The following STIM2 variants were observed in gnomAD, a reference collection of about 807,000 sequenced individuals.
STIM2 encodes stromal interaction molecule 2.
Under a neutral mutation model 85.8 loss-of-function variants are expected in STIM2, and 31 were observed. The ratio of observed to expected loss-of-function variants is 0.36; its 90% CI spans 0.27 to 0.49. The LOEUF is 0.49. STIM2 is among the 20% of genes least tolerant of loss of function. The pLI, the probability that STIM2 is intolerant of heterozygous loss-of-function variation, is 0.98. For synonymous variants in STIM2, 356 were observed against 331.1 expected, an observed-to-expected ratio of 1.08 and a Z score of -0.82; for missense variants, 841 against 927.6, an observed-to-expected ratio of 0.91 and a Z score of 1.21.
intron 2 of STIM2, among the ~76,000 whole-genome samples, chr4:26,946,164 T>C (rs566853546): frequency 5.3e-5 from 8 of 152,296 alleles, no homozygotes; most frequent in African/African-American, 1.9e-4. Flanking sequence ...TGTATAAAGA[T>C]AGTGTTGCAG....
chr4:26,955,256 T>G (rs561274321), intron 2 of STIM2, among the ~76,000 whole-genome samples: 1 of 148,186 alleles, frequency 6.7e-6, no homozygotes, highest in Non-Finnish European at 1.5e-5. Context: ...TCTAGTCATG[T>G]GGAAATTTGC....
intron 10 of STIM2, among the ~76,000 whole-genome samples, chr4:27,014,833 G>A (rs1044335097): frequency 3.3e-5 from 5 of 151,760 alleles, no homozygotes; most frequent in Admixed American, 1.3e-4. Flanking sequence ...TATATAATTT[G>A]TACTAAGTTA....
intron 1 of STIM2, chr4:26,874,467 G>T: frequency 5.9e-6 from 1 of 169,400 alleles, no homozygotes; most frequent in Admixed American, 5.9e-5. Context: ...TTGGTGACTG[G>T]TAACTTCTAG....
At chr4:26,866,650 T>C (rs1722419726) in intron 1 of STIM2, among the ~76,000 whole-genome samples, 1 of 152,168 alleles carries the variant, frequency 6.6e-6, no homozygotes, top group African/African-American at 2.4e-5. Flanking sequence ...GGCCAAATTA[T>C]CAAGAGCTTT....
In STIM2 at chr4:26,886,968, G is replaced by A. The variant is rs567217963; in HGVS notation, c.151+25599G>A. 1.4e-3 allele frequency among the ~76,000 whole-genome samples: 212 copies of A among 152,172 alleles called. 1 individual carries two copies. The highest frequency in any genetic ancestry group is 4.9e-3 in the African/African-American group (203 of 41,508). ...GGAGGTGGTAATAGGTGGTATAGGT[G>A]GAGCTATATGTGGATGCTAAATACA... On this transcript the variant is annotated intron_variant, in intron 1 of 11. Coordinates refer to ENST00000467087, the MANE Select transcript of STIM2 (RefSeq NM_020860.4).
At chr4:26,961,897 G>A (rs1312033695) in intron 3 of STIM2, among the ~76,000 whole-genome samples, 7 of 152,204 alleles carry the variant, frequency 4.6e-5, no homozygotes, top group South Asian at 2.1e-4. Flanking sequence ...GGCTACGGGC[G>A]TATACCACCA....
intron 3 of STIM2, among the ~76,000 whole-genome samples, chr4:26,980,755 CAAG>C (rs1727354203): frequency 1.3e-5 from 2 of 152,074 alleles, no homozygotes; most frequent in African/African-American, 4.8e-5. Context: ...CAAACAGAGT[CAAG>C]AAAGGAATCA....
chr4:27,022,494 G>A (rs1242142973), intron 11 of STIM2, 25 bp from the exon 12 acceptor site: 3 of 1,541,462 alleles, frequency 1.9e-6, no homozygotes, highest in African/African-American at 1.4e-5. Flanking sequence ...TTTAAAATTT[G>A]TACCTTTGTT....
intron 3 of STIM2, among the ~76,000 whole-genome samples, chr4:26,988,470 C>T (rs1261721384): frequency 6.6e-6 from 1 of 152,190 alleles, no homozygotes; most frequent in African/African-American, 2.4e-5. Flanking sequence ...GTACAGAAAG[C>T]TCCAAGTATG....
intron 2 of STIM2, among the ~76,000 whole-genome samples, chr4:26,921,214 G>T (rs1014358583): frequency 6.6e-6 from 1 of 152,176 alleles, no homozygotes; most frequent in Non-Finnish European, 1.5e-5. Flanking sequence ...AAGGATTGCT[G>T]CCAATACCAG....
intron 7 of STIM2, among the ~76,000 whole-genome samples, chr4:27,005,527 A>G (rs910019046): frequency 5.3e-5 from 8 of 152,226 alleles, no homozygotes; most frequent in African/African-American, 1.7e-4. Flanking sequence ...CATGTAAATA[A>G]TTATTACATT....
At chr4:26,948,417 C>T (rs867543625) in intron 2 of STIM2, among the ~76,000 whole-genome samples, 15 of 152,136 alleles carry the variant, frequency 9.9e-5, no homozygotes, top group African/African-American at 2.7e-4. Flanking sequence ...ACAGAGGGGA[C>T]GAACTGGCAG....
At chr4:26,984,791 C>T (rs1041509721) in intron 3 of STIM2, among the ~76,000 whole-genome samples, 3 of 152,162 alleles carry the variant, frequency 2.0e-5, no homozygotes, top group African/African-American at 7.2e-5. Context: ...GTAATAAAGC[C>T]TTCCCTCAGT....
intron 8 of STIM2, 88 bp downstream of exon 8, chr4:27,007,788 A>G: frequency 7.4e-7 from 1 of 1,354,590 alleles, no homozygotes; most frequent in Non-Finnish European, 9.8e-7. Context: ...ACAGATCTGA[A>G]TAAAAGTTTT....
At position 27,008,978 on chromosome 4, in the gene STIM2, C is replaced by T; in HGVS notation, c.1465C>T (p.Pro489Ser). 6.2e-7 allele frequency: 1 copy of T among 1,612,504 alleles called. No homozygotes were observed. The highest frequency in any genetic ancestry group is 1.1e-5 in the South Asian group (1 of 90,558). The change falls in exon 10 of 12, where the codon CCC becomes TCC. Residue 489 changes from proline to serine, a missense_variant. Pro to Ser is a moderately conservative substitution (Grantham distance 74). Coordinates refer to ENST00000467087, the MANE Select transcript of STIM2 (RefSeq NM_020860.4). The stretch of plus-strand genomic sequence containing the variant: ...AGTTGATGACTTAGATGAAGACACA[C>T]CCCCAATAGTGTCACAATTTCCCGG...
At chr4:26,884,848 C>A (rs1723155928) in intron 1 of STIM2, among the ~76,000 whole-genome samples, 1 of 152,152 alleles carries the variant, frequency 6.6e-6, no homozygotes, top group African/African-American at 2.4e-5. Flanking sequence ...AACGGAGACC[C>A]AGAGAGGTTA....
chr4:26,928,691 C>G (rs1725084438), intron 2 of STIM2, among the ~76,000 whole-genome samples: 1 of 152,058 alleles, frequency 6.6e-6, no homozygotes, highest in Non-Finnish European at 1.5e-5. Context: ...TGCACATGTG[C>G]AAAGTGTTAT....
At chr4:26,971,377 G>C (rs1726942249) in intron 3 of STIM2, among the ~76,000 whole-genome samples, 1 of 152,094 alleles carries the variant, frequency 6.6e-6, no homozygotes, top group African/African-American at 2.4e-5. Flanking sequence ...ATGGTTTTAG[G>C]TCTAACATTT....
intron 1 of STIM2, chr4:26,873,828 A>G (rs1303211230): frequency 1.1e-6 from 1 of 938,140 alleles, no homozygotes; most frequent in East Asian, 2.5e-5. Flanking sequence ...TCCCGCCTCA[A>G]CCGCCGTAGT....
Sources: gnomAD v4.1 joint callset for allele counts (sites outside exome capture counted in the v4.1 genomes callset) on GRCh38, gnomAD v4.1.1 for gene constraint, MANE v1.5 for transcripts, NCBI Gene and HGNC (gene_info 2026-07-23, HGNC 2026-07-21) for gene names.